The following PDZRN4 variants were observed in gnomAD, a reference collection of about 807,000 sequenced individuals.
The protein encoded by PDZRN4 is PDZ domain containing ring finger 4.
In PDZRN4, 70 loss-of-function variants were observed where a neutral mutation model predicts 99.0. The ratio of observed to expected loss-of-function variants is 0.71; its 90% CI spans 0.58 to 0.86. PDZRN4 has a LOEUF of 0.86. PDZRN4 is among the 40% of genes least tolerant of loss of function. PDZRN4 has a pLI of 0.00. For missense variants in PDZRN4, 1,474 were observed against 1,331.2 expected (o/e 1.11, Z -1.67); for synonymous variants, 551 against 501.6 (o/e 1.10, Z -1.32).
chr12:41,251,045 C>T (rs1176950044), intron 3 of PDZRN4, among the ~76,000 whole-genome samples: 2 of 152,140 alleles, frequency 1.3e-5, no homozygotes, highest in Admixed American at 6.5e-5. Flanking sequence ...GTTTTACCTC[C>T]TGTTAGAATT....
intron 3 of PDZRN4, among the ~76,000 whole-genome samples, chr12:41,415,367 T>A (rs1592051050): frequency 6.7e-6 from 1 of 148,936 alleles, no homozygotes; most frequent in Non-Finnish European, 1.5e-5. Context: ...ATAATATATG[T>A]AATAAATGTT....
intron 3 of PDZRN4, among the ~76,000 whole-genome samples, chr12:41,397,365 T>G (rs943334652): frequency 3.9e-5 from 6 of 152,214 alleles, no homozygotes; most frequent in African/African-American, 1.2e-4. Context: ...AAAGGATTCT[T>G]GCTTTGCCCT....
intron 3 of PDZRN4, among the ~76,000 whole-genome samples, chr12:41,430,398 G>C (rs1205053424): frequency 1.3e-5 from 2 of 151,912 alleles, no homozygotes; most frequent in Admixed American, 1.3e-4. Flanking sequence ...GAACCCAGGA[G>C]GCAGAGGTTG....
chr12:41,289,160 C>T (rs1371403948), intron 3 of PDZRN4, among the ~76,000 whole-genome samples: 1 of 152,100 alleles, frequency 6.6e-6, no homozygotes, highest in Non-Finnish European at 1.5e-5. Context: ...AAGATTGCTT[C>T]CCAACCCTCT....
rs1233014113 is a variant in PDZRN4 at position 41,572,491 on chromosome 12, A to C, written c.1712A>C (p.Glu571Ala). 1 of 1,614,146 alleles carries C rather than the reference A, an allele frequency of 6.2e-7. No homozygotes were observed. Among genetic ancestry groups the C allele is most frequent in the South Asian group, 1.1e-5 (1 of 91,078 alleles). Residue 571 changes from glutamate (E) to alanine (A), a missense_variant, in exon 10 of 10, where the codon GAG becomes GCG. Coordinates refer to ENST00000402685, the MANE Select transcript of PDZRN4 (RefSeq NM_001164595.2). ...CGAAATGATGAGAGCTCAGAGCAGG[A>C]GAATGCAGCCGAGGACCCCAATAGC... Reference protein sequence around the residue: ...SLRNDESSEQENAAEDPNSTS... With the variant: ...SLRNDESSEQANAAEDPNSTS...
At chr12:41,278,591 C>A (rs1176613766) in intron 3 of PDZRN4, among the ~76,000 whole-genome samples, 2 of 152,176 alleles carry the variant, frequency 1.3e-5, no homozygotes, top group South Asian at 2.1e-4. Context: ...AAAGTGAAAG[C>A]AGTCCCATAG....
intron 3 of PDZRN4, among the ~76,000 whole-genome samples, chr12:41,377,375 A>G (rs1225543610): frequency 6.6e-6 from 1 of 152,092 alleles, no homozygotes; most frequent in African/African-American, 2.4e-5. Flanking sequence ...TATTTTTCCA[A>G]TTGTTTATGT....
At chr12:41,387,504 G>T (rs1463274491) in intron 3 of PDZRN4, among the ~76,000 whole-genome samples, 1 of 152,108 alleles carries the variant, frequency 6.6e-6, no homozygotes, top group East Asian at 1.9e-4. Context: ...AGTATAGCTT[G>T]AACGCTGAAC....
At chr12:41,233,790 T>G (rs949666387) in intron 3 of PDZRN4, among the ~76,000 whole-genome samples, 2 of 150,948 alleles carry the variant, frequency 1.3e-5, no homozygotes, top group African/African-American at 2.4e-5. Context: ...GACTGTTGTG[T>G]GGTGGGGGGA....
chr12:41,437,924 T>G, intron 3 of PDZRN4: 1 of 1,596,902 alleles, frequency 6.3e-7, no homozygotes, highest in Non-Finnish European at 8.6e-7. Context: ...GAAGATTTGC[T>G]CTCTCTCTCT....
At chr12:41,261,968 T>A (rs759866030) in intron 3 of PDZRN4, among the ~76,000 whole-genome samples, 3 of 151,926 alleles carry the variant, frequency 2.0e-5, no homozygotes, top group Non-Finnish European at 4.4e-5. Context: ...ATGGGAAGGG[T>A]ACAGAATGGG....
intron 3 of PDZRN4, among the ~76,000 whole-genome samples, chr12:41,222,677 A>G (rs1193057716): frequency 6.6e-6 from 1 of 151,962 alleles, no homozygotes; most frequent in Non-Finnish European, 1.5e-5. Context: ...GGTGCACACC[A>G]CCATGCCCGG....
In PDZRN4 at chr12:41,482,211, AG is replaced by A. The variant is rs1164493535; in HGVS notation, c.844-24243del. ...TCACATCTTCACGCAGCAAAACCTA[AG>A]GTGGAAAGAAAGAGAAGGTGTTTTC... On this transcript the variant is annotated intron_variant, in intron 3 of 9. Transcript: ENST00000402685. Among the ~76,000 whole-genome samples, 3 of 152,164 alleles carry A rather than the reference AG, an allele frequency of 2.0e-5. No individual in the cohort carries two copies. In the South Asian group the frequency reaches 6.2e-4, roughly 32 times the overall value.
At chr12:41,372,743 A>G (rs578066490) in intron 3 of PDZRN4, among the ~76,000 whole-genome samples, 1 of 152,274 alleles carries the variant, frequency 6.6e-6, no homozygotes, top group African/African-American at 2.4e-5. Flanking sequence ...ATCATGAAAG[A>G]TCTTCTAAGC....
intron 3 of PDZRN4, among the ~76,000 whole-genome samples, chr12:41,195,516 A>G (rs796909651): frequency 5.9e-5 from 9 of 152,302 alleles, no homozygotes; most frequent in African/African-American, 1.9e-4. Context: ...AGAAGACCCA[A>G]TAGTTTGCTG....
chr12:41,419,127 C>T (rs1225766381), intron 3 of PDZRN4, among the ~76,000 whole-genome samples: 1 of 152,124 alleles, frequency 6.6e-6, no homozygotes, highest in African/African-American at 2.4e-5. Flanking sequence ...TATTAGGAGC[C>T]TTTCTTTTCT....
At chr12:41,402,224 A>G in intron 3 of PDZRN4, among the ~76,000 whole-genome samples, 1 of 84,030 alleles carries the variant, frequency 1.2e-5, no homozygotes, top group Non-Finnish European at 2.3e-5. Flanking sequence ...ATATACACAC[A>G]CACTGAGTAT....
At chr12:41,434,617 T>TGACAAAGAGGCTAG (rs1952613281) in intron 3 of PDZRN4, among the ~76,000 whole-genome samples, 1 of 152,190 alleles carries the variant, frequency 6.6e-6, no homozygotes, top group African/African-American at 2.4e-5. Flanking sequence ...TTTAGCCTCT[T>TGACAAAGAGGCTAG]ATACGTCAGT....
chr12:41,489,126 G>A (rs1175811000), intron 3 of PDZRN4, among the ~76,000 whole-genome samples: 1 of 151,250 alleles, frequency 6.6e-6, no homozygotes, highest in African/African-American at 2.5e-5. Flanking sequence ...GTTAGTGGTA[G>A]TGTATTTTAT....
Sources: gnomAD v4.1 joint callset for allele counts (sites outside exome capture counted in the v4.1 genomes callset) on GRCh38, gnomAD v4.1.1 for gene constraint, MANE v1.5 for transcripts, NCBI Gene and HGNC (gene_info 2026-07-23, HGNC 2026-07-21) for gene names.